The following STS variants were observed in gnomAD, a reference collection of about 807,000 sequenced individuals.
STS encodes steryl-sulfatase.
Under a neutral mutation model 26.8 loss-of-function variants are expected in STS, and 7 were observed. That is an observed-to-expected ratio of 0.26 (90% confidence interval 0.15 to 0.49). The LOEUF (loss-of-function observed/expected upper bound fraction) is 0.49. Ranked by LOEUF, STS falls within the 20% of genes least tolerant of loss-of-function variation. The probability of loss-of-function intolerance (pLI) is 0.98; values close to 1 mark genes in which losing one functional copy is unlikely to be tolerated. For synonymous variants in STS, 199 were observed against 189.4 expected (o/e 1.05, Z -0.42); for missense variants, 434 against 465.6 (o/e 0.93, Z 0.63).
At chrX:7,174,487 C>T (rs945986053) in intron 1 of STS, among the ~76,000 whole-genome samples, 9 of 111,396 alleles carry the variant, frequency 8.1e-5, no homozygotes, top group Admixed American at 7.6e-4. Context: ...AATTGGCAGG[C>T]GATAACATTT....
At chrX:7,175,235 C>G (rs1317703689) in intron 1 of STS, among the ~76,000 whole-genome samples, 1 of 105,448 alleles carries the variant, frequency 9.5e-6, no homozygotes, top group African/African-American at 3.5e-5. Flanking sequence ...TCTGCAATCC[C>G]AGCACTTTGG....
intron 7 of STS, among the ~76,000 whole-genome samples, chrX:7,298,223 A>C (rs1378349530): frequency 8.9e-6 from 1 of 112,093 alleles, no homozygotes; most frequent in African/African-American, 3.2e-5. Context: ...CTCAACCAAC[A>C]TACAAAATGC....
chrX:7,170,322 G>T (rs1339875655), intron 1 of STS, among the ~76,000 whole-genome samples: 8 of 111,181 alleles, frequency 7.2e-5, no homozygotes, highest in African/African-American at 2.6e-4. Context: ...ACTGATGTTG[G>T]GGGAGGGGTA....
chrX:7,323,802 C>A (rs757077017), intron 8 of STS, among the ~76,000 whole-genome samples: 4 of 111,619 alleles, frequency 3.6e-5, no homozygotes, highest in Non-Finnish European at 7.5e-5. Flanking sequence ...AGGGGAGAAT[C>A]TTATTCCTTG....
At chrX:7,171,739 A>C (rs1364543448) in intron 1 of STS, among the ~76,000 whole-genome samples, 23 of 111,937 alleles carry the variant, frequency 2.1e-4, no homozygotes, top group African/African-American at 7.1e-4. Flanking sequence ...ATCACCCGGT[A>C]CAATAGTGTC....
intron 2 of STS, among the ~76,000 whole-genome samples, chrX:7,231,195 G>A (rs1922042483): frequency 8.9e-6 from 1 of 111,906 alleles, no homozygotes; most frequent in African/African-American, 3.3e-5. Context: ...AGAGAGGAAT[G>A]AGGAGTGACC....
rs867602357 is a variant in STS, at chrX:7,259,594, G to A, written c.628G>A (p.Val210Ile). 40 of 1,209,148 alleles carry A rather than the reference G, an allele frequency of 3.3e-5. No individual in the cohort carries two copies. The highest frequency in any genetic ancestry group is 3.7e-5 in the Non-Finnish European group (33 of 894,930). The stretch of plus-strand genomic sequence containing the variant: ...GGGGCTACTCCACGTGCCTCTAGGC[G>A]TTTTTTTCAGCCTTCTCTTCCTAGC... ...CLGLLHVPLG[V>I]FFSLLFLAAL... Residue 210 changes from valine (V) to isoleucine (I), a missense_variant, in exon 6 of 11, where the codon GTT becomes ATT. Physicochemically the swap from Val to Ile is conservative, Grantham distance 29. This residue lies in a region of STS where 229 missense variants were observed against 288.3 expected (regional missense o/e 0.79). Coordinates refer to ENST00000674429, the MANE Select transcript of STS (RefSeq NM_001320752.2).
intron 2 of STS, among the ~76,000 whole-genome samples, chrX:7,206,996 G>C (rs770611532): frequency 8.9e-6 from 1 of 111,784 alleles, no homozygotes; most frequent in Non-Finnish European, 1.9e-5. Flanking sequence ...GATTGCTTGA[G>C]CCCATGAGTT....
chrX:7,305,066 G>A lies in STS; in HGVS notation c.964G>A (p.Asp322Asn), dbSNP rs184885146. The A allele has an allele frequency of 7.4e-5, 89 of 1,209,262 alleles. No homozygotes were observed. Among genetic ancestry groups the A allele is most frequent in the Non-Finnish European group, 9.5e-5 (85 of 894,706 alleles). ...TCCAGGGCAGATCTTGAACCTTCTGGATGAGCTGAGATTGGCTAATGATAC... is the reference window on the plus strand; with the variant it reads ...TCCAGGGCAGATCTTGAACCTTCTGAATGAGCTGAGATTGGCTAATGATAC... ...WSVGQILNLL[D>N]ELRLANDTLI... The change falls in exon 8 of 11, where the codon GAT becomes AAT. Residue 322 changes from aspartate to asparagine, a missense_variant. Transcript: ENST00000674429.
chrX:7,188,615 G>A (rs1933816860), intron 1 of STS, among the ~76,000 whole-genome samples: 1 of 111,717 alleles, frequency 9.0e-6, no homozygotes, highest in Non-Finnish European at 1.9e-5. Context: ...ACTGTGATAA[G>A]CATTGTGACT....
intron 1 of STS, among the ~76,000 whole-genome samples, chrX:7,156,751 A>G (rs1363794290): frequency 8.9e-6 from 1 of 112,392 alleles, no homozygotes; most frequent in Non-Finnish European, 1.9e-5. Flanking sequence ...TGGGAAGCGA[A>G]TGATAATTAA....
intron 2 of STS, among the ~76,000 whole-genome samples, chrX:7,218,609 TAGTG>T (rs1418085626): frequency 8.9e-6 from 1 of 112,100 alleles, no homozygotes; most frequent in African/African-American, 3.2e-5. Flanking sequence ...TGTGATCAGA[TAGTG>T]AGGGTGAGGG....
At chrX:7,334,341 C>T (rs1927911451) in intron 10 of STS, among the ~76,000 whole-genome samples, 1 of 111,290 alleles carries the variant, frequency 9.0e-6, no homozygotes, top group South Asian at 3.8e-4. Context: ...CCCACCTGAA[C>T]ACCACCCACA....
intron 8 of STS, among the ~76,000 whole-genome samples, chrX:7,323,364 C>T (rs200099947): frequency 2.7e-5 from 3 of 110,666 alleles, no homozygotes; most frequent in East Asian, 5.7e-4. Context: ...TTTTTCACTC[C>T]TTGACCTCCT....
rs550219190 is a variant in STS at position 7,296,323 on chromosome X, C to T, written c.944-8723C>T. Reference sequence around the variant, plus strand: ...ATACCAAACAGCAAATGGCTGTACCCGATTACCCAATCTCTATCTTTGCAA... The same window carrying T: ...ATACCAAACAGCAAATGGCTGTACCTGATTACCCAATCTCTATCTTTGCAA... On this transcript the variant is annotated intron_variant, in intron 7 of 10. Coordinates refer to ENST00000674429, the MANE Select transcript of STS (RefSeq NM_001320752.2). Among the ~76,000 whole-genome samples, 7 of 112,175 alleles carry T rather than the reference C, an allele frequency of 6.2e-5. No individual in the cohort carries two copies. The South Asian group carries it at 1.5e-3, about 24-fold the overall frequency.
At chrX:7,268,409 G>C (rs1924110254) in intron 6 of STS, among the ~76,000 whole-genome samples, 1 of 111,678 alleles carries the variant, frequency 9.0e-6, no homozygotes, top group Non-Finnish European at 1.9e-5. Flanking sequence ...GGACCCCAGT[G>C]TAAGTGGCTG....
chrX:7,168,207 G>C (rs1601625475), intron 1 of STS, among the ~76,000 whole-genome samples: 1 of 110,871 alleles, frequency 9.0e-6, no homozygotes, highest in Non-Finnish European at 1.9e-5. Context: ...TTAGAACTCT[G>C]CTTCCCACGA....
chrX:7,287,083 C>T (rs1257068588), intron 7 of STS, among the ~76,000 whole-genome samples: 1 of 111,310 alleles, frequency 9.0e-6, no homozygotes, highest in Non-Finnish European at 1.9e-5. Context: ...AGAGTTTATG[C>T]TTTTCTTGTG....
At chrX:7,299,672 T>C (rs1469002756) in intron 7 of STS, among the ~76,000 whole-genome samples, 1 of 110,629 alleles carries the variant, frequency 9.0e-6, no homozygotes, top group African/African-American at 3.3e-5. Flanking sequence ...TGAGGCAAGC[T>C]GAGGTTCTAA....
Sources: gnomAD v4.1 joint callset for allele counts (sites outside exome capture counted in the v4.1 genomes callset) on GRCh38, gnomAD v4.1.1 for gene constraint, gnomAD v4.1.1 regional missense constraint, MANE v1.5 for transcripts, NCBI Gene and HGNC (gene_info 2026-07-23, HGNC 2026-07-21) for gene names.